Variants in SHISA7 observed in about 807,000 individuals in gnomAD.
SHISA7 encodes protein shisa-7.
Under a neutral mutation model 23.9 loss-of-function variants are expected in SHISA7, and 6 were observed. The observed-to-expected ratio is 0.25, with a 90% CI of 0.14 to 0.50. The LOEUF (loss-of-function observed/expected upper bound fraction) is 0.50, where lower values mean the gene tolerates loss of function less well. SHISA7 is among the 20% of genes least tolerant of loss of function. The pLI is 0.98. For synonymous variants in SHISA7, 386 were observed against 398.3 expected (o/e 0.97, Z 0.37); for missense variants, 671 against 801.1 (o/e 0.84, Z 1.96).
At chr19:55,437,122 C>G (rs1985480742) in intron 3 of SHISA7, among the ~76,000 whole-genome samples, 1 of 152,098 alleles carries the variant, frequency 6.6e-6, no homozygotes. Context: ...TTGGGAGAGA[C>G]TCTTTTCTGC....
rs772419268 is a variant in SHISA7, at chr19:55,442,178, C to G, written c.671+15G>C. The G allele has an allele frequency of 6.5e-7, 1 of 1,528,590 alleles. No homozygotes were observed. The highest frequency in any genetic ancestry group is 1.2e-5 in the South Asian group (1 of 83,706). The allele number at this position is 1,528,590 out of a possible 1,614,324, so 94.7% of individuals were successfully genotyped here. ...GCCCCAGGCTCGCAGTCCTCCCGCC[C>G]GAGAGCACACGCACCTGGGCACGTT... On this transcript the variant is annotated intron_variant, in intron 1 of 3. Coordinates refer to ENST00000376325, the MANE Select transcript of SHISA7 (RefSeq NM_001145176.2).
rs182437087 is a variant in SHISA7, at chr19:55,432,024, T to C, written c.*1132A>G. 38 of 152,494 alleles carry C rather than the reference T, an allele frequency of 2.5e-4. No individual in the cohort carries two copies. Among genetic ancestry groups the C allele is most frequent in the African/African-American group, 8.9e-4 (37 of 41,550 alleles). 9.4% of individuals were successfully genotyped at this position (152,494 alleles called of 1,614,324 possible). The stretch of plus-strand genomic sequence containing the variant: ...ACTCTGGTGACACCACCAATACCGA[T>C]GGCCTTCCAGAGTGGGCAGTGCCTC... On this transcript the variant is annotated 3_prime_UTR_variant, in exon 4 of 4. Coordinates refer to ENST00000376325, the MANE Select transcript of SHISA7 (RefSeq NM_001145176.2). This position sits in a 1 kb window ranked among gnomAD's most constrained non-coding sequence, Gnocchi z 4.6.
intron 3 of SHISA7, among the ~76,000 whole-genome samples, chr19:55,434,576 GGTGTGTGTGTGGT>G (rs1211045857): frequency 2.0e-5 from 2 of 101,894 alleles, no homozygotes; most frequent in African/African-American, 3.6e-5. Context: ...GTGTGTGTAT[GGTGTGTGTGTGGT>G]GTGTGTGTGG....
At chr19:55,438,684 C>T (rs566666864) in intron 2 of SHISA7, 11 of 1,274,428 alleles carry the variant, frequency 8.6e-6, no homozygotes, top group South Asian at 1.2e-5. Context: ...CAGCTGGCAC[C>T]GTGGCCCTGA....
At position 55,441,319 on chromosome 19, in the gene SHISA7, G is replaced by T. The variant is rs1002023473; in HGVS notation, c.672-554C>A. 6.6e-5 allele frequency among the ~76,000 whole-genome samples: 10 copies of T among 152,174 alleles called. No homozygotes were observed. The South Asian group carries it at 8.3e-4, about 13-fold the overall frequency. On this transcript the variant is annotated intron_variant, in intron 1 of 3. Coordinates refer to ENST00000376325, the MANE Select transcript of SHISA7 (RefSeq NM_001145176.2). ...AGCCCCGTACACTCCAGTCTCACGC[G>T]CAGCCCGCATAATTTAAAAAATGGA...
intron 3 of SHISA7, among the ~76,000 whole-genome samples, chr19:55,435,254 G>GT (rs1985417713): frequency 7.7e-6 from 1 of 129,222 alleles, no homozygotes; most frequent in African/African-American, 3.0e-5. Flanking sequence ...GCGTGTGTGT[G>GT]GTGTGTATGT....
At chr19:55,437,408 G>T (rs1318212033) in intron 3 of SHISA7, among the ~76,000 whole-genome samples, 197 bp downstream of exon 3, 1 of 152,252 alleles carries the variant, frequency 6.6e-6, no homozygotes, top group African/African-American at 2.4e-5. Context: ...GGGGAGACCA[G>T]AAGGTTGCAT....
Position 55,429,684 on chromosome 19 carries a change from G to A in SHISA7, c.*3472C>T, listed in dbSNP as rs1985126712. 1 of 152,168 alleles carries A rather than the reference G, an allele frequency of 6.6e-6. No homozygotes were observed. The highest frequency in any genetic ancestry group is 1.5e-5 in the Non-Finnish European group (1 of 68,062). 9.4% of individuals were successfully genotyped at this position (152,168 alleles called of 1,614,324 possible). A position where few individuals can be genotyped will look rare whatever the true frequency, so the allele number is the denominator to read the frequency against. On this transcript the variant is annotated 3_prime_UTR_variant, in exon 4 of 4. Coordinates refer to ENST00000376325, the MANE Select transcript of SHISA7 (RefSeq NM_001145176.2). ...GGGCGTGTAGCCCTTTAAGAGTGGG[G>A]GAATGGCCGCCCCCGCAACATGGCT... is the stretch of plus-strand genomic sequence containing the variant.
intron 1 of SHISA7, among the ~76,000 whole-genome samples, chr19:55,441,625 T>G (rs1985600348): frequency 6.6e-6 from 1 of 152,168 alleles, no homozygotes; most frequent in African/African-American, 2.4e-5. Context: ...CTCAACACTT[T>G]CCGCTGATTT....
At position 55,433,323 on chromosome 19, in the gene SHISA7, C is replaced by A; in HGVS notation, c.1450G>T (p.Gly484Cys). The A allele has an allele frequency of 6.8e-7, 1 of 1,460,882 alleles. No homozygotes were observed. The highest frequency in any genetic ancestry group is 1.4e-5 in the South Asian group (1 of 72,554). The allele number at this position is 1,460,882 out of a possible 1,614,324, so 90.5% of individuals were successfully genotyped here. A position where few individuals can be genotyped will look rare whatever the true frequency, so the allele number is the denominator to read the frequency against. The change falls in exon 4 of 4, where the codon GGC becomes TGC. Residue 484 changes from glycine (G) to cysteine (C), a missense_variant. By Grantham distance (159) the Gly-to-Cys change is radical. Coordinates refer to ENST00000376325, the MANE Select transcript of SHISA7 (RefSeq NM_001145176.2). The surrounding 1 kb of genome is among the most constrained non-coding windows in gnomAD (Gnocchi z 8.4). The part of the protein sequence containing the change: ...LHAHHHHALH[G>C]SPQPAWMSDA... Reference sequence around the variant, plus strand: ...GACATCCAGGCCGGCTGCGGCGAGCCGTGCAGGGCGTGGTGGTGGTGGGCG... The same window carrying A: ...GACATCCAGGCCGGCTGCGGCGAGCAGTGCAGGGCGTGGTGGTGGTGGGCG...
rs1430511980 is a variant in SHISA7, at chr19:55,433,653, G to A, written c.1120C>T (p.Leu374=). Residue 374 remains leucine, a synonymous_variant, in exon 4 of 4, where the codon CTG becomes TTG. Coordinates refer to ENST00000376325, the MANE Select transcript of SHISA7 (RefSeq NM_001145176.2). This position sits in a 1 kb window ranked among gnomAD's most constrained non-coding sequence, Gnocchi z 8.4. ...EAWGGPEELG[L]APAPNPRRVM... ...CGCCGGGGGTTGGGCGCGGGCGCCA[G>A]GCCCAGCTCCTCTGGGCCGCCCCAG... is the stretch of plus-strand genomic sequence containing the variant. 4.0e-6 allele frequency: 6 copies of A among 1,489,452 alleles called. No individual in the cohort carries two copies. Among genetic ancestry groups the A allele is most frequent in the Non-Finnish European group, 4.4e-6 (5 of 1,127,238 alleles). The allele number at this position is 1,489,452 out of a possible 1,614,324, so 92.3% of individuals were successfully genotyped here. A position where few individuals can be genotyped will look rare whatever the true frequency, so the allele number is the denominator to read the frequency against.
chr19:55,437,568 T>C (rs1599873561), intron 3 of SHISA7, 37 bp downstream of exon 3: 3 of 1,539,706 alleles, frequency 1.9e-6, no homozygotes, highest in Non-Finnish European at 2.6e-6. Flanking sequence ...CCCCGCCCCC[T>C]CCCCTTCACC....
Position 55,429,626 on chromosome 19 carries a change from G to GC in SHISA7, c.*3529dup, listed in dbSNP as rs34869149. The GC allele has an allele frequency of 3.4e-4, 52 of 151,636 alleles. No homozygotes were observed. Among genetic ancestry groups the GC allele is most frequent in the East Asian group, 9.7e-4 (5 of 5,144 alleles). 9.4% of individuals were successfully genotyped at this position (151,636 alleles called of 1,614,324 possible). On this transcript the variant is annotated 3_prime_UTR_variant, in exon 4 of 4. Coordinates refer to ENST00000376325, the MANE Select transcript of SHISA7 (RefSeq NM_001145176.2). ...GGACGGCCCAGGGGAGGAAGAAGAG[G>GC]CCCCCCCCACCTCGCCCTAGGGGCT...
chr19:55,437,480 G>T, intron 3 of SHISA7, 125 bp downstream of exon 3: 2 of 1,247,288 alleles, frequency 1.6e-6, no homozygotes, highest in Non-Finnish European at 2.1e-6. Context: ...GAACGAACTT[G>T]GAGTAAAACC....
intron 3 of SHISA7, among the ~76,000 whole-genome samples, chr19:55,434,006 C>G (rs73932636): frequency 0.38 from 56,989 of 151,678 alleles, 11,699 homozygotes; most frequent in East Asian, 0.79. Context: ...TTCTTCCCCC[C>G]CGCGCCGCCT....
rs1985271649 is a variant in SHISA7, at chr19:55,433,671, C to A, written c.1102G>T (p.Gly368Cys). The A allele has an allele frequency of 6.7e-7, 1 of 1,483,552 alleles. No individual in the cohort carries two copies. 91.9% of individuals were successfully genotyped at this position (1,483,552 alleles called of 1,614,324 possible). Reference sequence around the variant, plus strand: ...GGCGCCAGGCCCAGCTCCTCTGGGCCGCCCCAGGCCTCCATGCGATAGCCG... The same window carrying A: ...GGCGCCAGGCCCAGCTCCTCTGGGCAGCCCCAGGCCTCCATGCGATAGCCG... ...GGGYRMEAWG[G>C]PEELGLAPAP... The change falls in exon 4 of 4, where the codon GGC becomes TGC. Residue 368 changes from glycine to cysteine, a missense_variant. Gly to Cys is a radical substitution (Grantham distance 159). This residue lies in a region of SHISA7 where 457 missense variants were observed against 488.3 expected (regional missense o/e 0.94). Transcript: ENST00000376325. The surrounding 1 kb of genome is among the most constrained non-coding windows in gnomAD (Gnocchi z 8.4).
intron 3 of SHISA7, among the ~76,000 whole-genome samples, chr19:55,434,726 GGT>G (rs761200619): frequency 1.7e-4 from 18 of 107,332 alleles, no homozygotes; most frequent in African/African-American, 4.0e-4. Context: ...GTGGTTGTGT[GGT>G]GTGTGTGGTG....
rs1265312160 is a variant in SHISA7 at position 55,431,077 on chromosome 19, C to G, written c.*2079G>C. On this transcript the variant is annotated 3_prime_UTR_variant, in exon 4 of 4. Coordinates refer to ENST00000376325, the MANE Select transcript of SHISA7 (RefSeq NM_001145176.2). Reference sequence around the variant, plus strand: ...CTAGTGGATGGTGACAGCATTGGCTCTCGTGGATCCTGGCAGGTGATAACA... The same window carrying G: ...CTAGTGGATGGTGACAGCATTGGCTGTCGTGGATCCTGGCAGGTGATAACA... The G allele has an allele frequency of 6.6e-6, 1 of 152,124 alleles. No homozygotes were observed. Among genetic ancestry groups the G allele is most frequent in the Non-Finnish European group, 1.5e-5 (1 of 68,068 alleles). The allele number at this position is 152,124 out of a possible 1,614,324, so 9.4% of individuals were successfully genotyped here.
intron 2 of SHISA7, among the ~76,000 whole-genome samples, chr19:55,438,116 C>A (rs1156320094): frequency 5.3e-5 from 8 of 150,518 alleles, no homozygotes; most frequent in African/African-American, 2.5e-5. Context: ...CAGGCTCAGC[C>A]CTCCTCCCTC....
Sources: allele counts gnomAD v4.1 joint callset (sites outside exome capture counted in the v4.1 genomes callset), GRCh38; gene constraint gnomAD v4.1.1; regional missense constraint gnomAD v4.1.1; non-coding constraint Gnocchi (gnomAD v3.1); transcripts MANE v1.5; gene names NCBI Gene and HGNC (gene_info 2026-07-23, HGNC 2026-07-21).